Variants in CHAT observed in about 807,000 individuals in gnomAD.
CHAT encodes choline O-acetyltransferase, also known as acetyl CoA:choline O-acetyltransferase.
A neutral mutation model predicts 76.9 loss-of-function variants in CHAT; 61 were observed. That is an observed-to-expected ratio of 0.79 (90% CI 0.65 to 0.98). The LOEUF is 0.98. Ranked by LOEUF, CHAT falls within the 50% of genes least tolerant of loss-of-function variation. The probability of loss-of-function intolerance (pLI) is 0.00; values close to 1 mark genes in which losing one functional copy is unlikely to be tolerated. For missense variants in CHAT, 946 were observed against 986.9 expected, an observed-to-expected ratio of 0.96 and a Z score of 0.56; for synonymous variants, 407 against 397.4, an observed-to-expected ratio of 1.02 and a Z score of -0.29.
rs1181759623 is a variant in CHAT at position 49,649,489 on chromosome 10, G to A, written c.1383-19G>A. On this transcript the variant is annotated intron_variant, in intron 9 of 14. Transcript: ENST00000337653. ...CTGTCTGGCCGCAGAGCCTCAGGAG[G>A]TTGCCTCTGTGCCCGCAGGACGCAG... is the stretch of plus-strand genomic sequence containing the variant. 6.2e-7 allele frequency: 1 copy of A among 1,613,626 alleles called. No individual in the cohort carries two copies. Among genetic ancestry groups the A allele is most frequent in the South Asian group, 1.1e-5 (1 of 91,088 alleles).
chr10:49,651,817 G>T, intron 10 of CHAT, 67 bp from the exon 11 acceptor site: 1 of 1,537,020 alleles, frequency 6.5e-7, no homozygotes, highest in South Asian at 1.2e-5. Context: ...TAGAAGCCCG[G>T]GGAAACCCCA....
At chr10:49,623,183 A>T (rs1271017343) in intron 5 of CHAT, among the ~76,000 whole-genome samples, 1 of 151,076 alleles carries the variant, frequency 6.6e-6, no homozygotes, top group Non-Finnish European at 1.5e-5. Context: ...TCCTCCCAGA[A>T]CTCGCCCCTC....
chr10:49,625,511 C>T lies in CHAT; in HGVS notation c.791C>T (p.Ser264Leu). The T allele has an allele frequency of 6.2e-7, 1 of 1,613,148 alleles. No individual in the cohort carries two copies. Among genetic ancestry groups the T allele is most frequent in the Non-Finnish European group, 8.5e-7 (1 of 1,180,042 alleles). Residue 264 changes from serine (S) to leucine (L), a missense_variant, in exon 6 of 15, where the codon TCA (serine) becomes TTA (leucine). Coordinates refer to ENST00000337653, the MANE Select transcript of CHAT (RefSeq NM_020549.5). ...ACTGACTGTGCCAAAGGCCAGCTGT[C>T]AGGGCAGCCCCTTTGCATGAAGCAA... is the stretch of plus-strand genomic sequence containing the variant. ...IPTDCAKGQL[S>L]GQPLCMKQYY... is the part of the protein sequence containing the mutation.
intron 13 of CHAT, among the ~76,000 whole-genome samples, chr10:49,657,709 T>A (rs954461163): frequency 6.6e-6 from 1 of 152,186 alleles, no homozygotes; most frequent in African/African-American, 2.4e-5. Context: ...CACTGGGAAC[T>A]AGCTCTGTAA....
intron 10 of CHAT, among the ~76,000 whole-genome samples, chr10:49,650,268 T>C (rs1298901802): frequency 6.6e-6 from 1 of 152,200 alleles, no homozygotes; most frequent in Non-Finnish European, 1.5e-5. Context: ...GGTAAGGCTC[T>C]GAGAACACAG....
intron 7 of CHAT, among the ~76,000 whole-genome samples, chr10:49,631,954 A>C (rs1839137800): frequency 6.9e-6 from 1 of 145,330 alleles, no homozygotes; most frequent in African/African-American, 2.6e-5. Context: ...AACAAGGGGG[A>C]TGATGGTTAT....
At chr10:49,613,887 G>T, upstream of CHAT, 1 of 506,646 alleles carries the variant, frequency 2.0e-6, no homozygotes, top group Non-Finnish European at 3.6e-6. Context: ...TTATTATTTT[G>T]AAAGATGGTG....
In CHAT at chr10:49,664,645, C is replaced by T; in HGVS notation, c.1978-132C>T. On this transcript the variant is annotated intron_variant, in intron 14 of 14. Transcript: ENST00000337653. ...TTTTTATGACTCTGGCTGTGTCCAT[C>T]CATGCTAAAGCAATCACTTGATTTG... is the stretch of plus-strand genomic sequence containing the variant. 4 of 1,146,368 alleles carry T rather than the reference C, an allele frequency of 3.5e-6. No homozygotes were observed. The South Asian group carries it at 5.0e-5, about 14-fold the overall frequency. 71.0% of individuals were successfully genotyped at this position (1,146,368 alleles called of 1,614,324 possible).
chr10:49,631,642 C>A (rs1305796468), intron 7 of CHAT, among the ~76,000 whole-genome samples: 1 of 152,110 alleles, frequency 6.6e-6, no homozygotes, highest in Admixed American at 6.5e-5. Context: ...CAGTGGGTAT[C>A]AGAGGATGTG....
chr10:49,611,074 C>G (rs1323111953), upstream of CHAT: 2 of 1,613,952 alleles, frequency 1.2e-6, no homozygotes, highest in African/African-American at 1.3e-5. Context: ...CTCAGCCCTT[C>G]GGCCCCGCTA....
At chr10:49,657,932 T>C (rs2132839859) in intron 13 of CHAT, among the ~76,000 whole-genome samples, 1 of 152,356 alleles carries the variant, frequency 6.6e-6, no homozygotes, top group Middle Eastern at 3.4e-3. Context: ...GCCCCCAGGT[T>C]AACAAATACA....
intron 7 of CHAT, among the ~76,000 whole-genome samples, chr10:49,641,397 A>G (rs751771089): frequency 2.6e-5 from 4 of 152,162 alleles, no homozygotes; most frequent in Non-Finnish European, 5.9e-5. Flanking sequence ...AAAATGTCCA[A>G]GTTTTTAGCG....
chr10:49,659,352 A>G (rs1840122677), intron 13 of CHAT, among the ~76,000 whole-genome samples: 1 of 152,238 alleles, frequency 6.6e-6, no homozygotes, highest in South Asian at 2.1e-4. Context: ...AGACTTCTAA[A>G]GTGAGAAAAT....
intron 7 of CHAT, among the ~76,000 whole-genome samples, chr10:49,628,808 G>T (rs922026728): frequency 3.9e-5 from 6 of 152,282 alleles, no homozygotes; most frequent in African/African-American, 1.4e-4. Flanking sequence ...GACCAACCCT[G>T]GGCAAAGCCC....
intron 1 of CHAT, among the ~76,000 whole-genome samples, chr10:49,615,521 G>A (rs1278515410): frequency 2.0e-5 from 3 of 152,318 alleles, no homozygotes; most frequent in South Asian, 4.1e-4. Flanking sequence ...ATACATGGGC[G>A]GTGCTTGCCT....
chr10:49,624,982 G>A (rs1838864713), intron 5 of CHAT, among the ~76,000 whole-genome samples: 1 of 152,118 alleles, frequency 6.6e-6, no homozygotes, highest in South Asian at 2.1e-4. Flanking sequence ...TGGATAGATG[G>A]ATGGGTGGAT....
chr10:49,619,992 G>A (rs1838646108), intron 3 of CHAT, 76 bp downstream of exon 3: 1 of 1,447,808 alleles, frequency 6.9e-7, no homozygotes, highest in Non-Finnish European at 9.5e-7. Context: ...TCGGTGAGAG[G>A]CAGGTAGGGG....
intron 4 of CHAT, 57 bp from the exon 5 acceptor site, chr10:49,622,040 G>GAAGGGCGGGAAGAGGAA: frequency 3.2e-6 from 5 of 1,544,896 alleles, no homozygotes; most frequent in East Asian, 2.3e-5. Context: ...AAGGGAGGGA[G>GAAGGGCGGGAAGAGGAA]GGAGGGAGGA....
At chr10:49,612,453 A>G (rs1838328022), upstream of CHAT, 1 of 1,041,928 alleles carries the variant, frequency 9.6e-7, no homozygotes, top group Non-Finnish European at 1.4e-6. Flanking sequence ...TACCCCAGCC[A>G]CTCCTCAACC....
Sources: gnomAD v4.1 joint callset for allele counts (sites outside exome capture counted in the v4.1 genomes callset) on GRCh38, gnomAD v4.1.1 for gene constraint, MANE v1.5 for transcripts, NCBI Gene and HGNC (gene_info 2026-07-23, HGNC 2026-07-21) for gene names.